The following NAV2 variants were observed in gnomAD, a reference collection of about 807,000 sequenced individuals.
NAV2 encodes helicase, APC down-regulated 1.
A neutral mutation model predicts 223.2 loss-of-function variants in NAV2; 54 were observed. That is an observed-to-expected ratio of 0.24 (90% CI 0.19 to 0.30). The LOEUF (loss-of-function observed/expected upper bound fraction) is 0.30, where lower values mean the gene tolerates loss of function less well. Among genes scored for constraint, NAV2 ranks in the 10% least tolerant of loss-of-function variants. The pLI is 1.00. For missense variants in NAV2, 2,806 were observed against 3,147.5 expected, an observed-to-expected ratio of 0.89 and a Z score of 2.60; for synonymous variants, 1,279 against 1,239.3, an observed-to-expected ratio of 1.03 and a Z score of -0.67.
chr11:19,968,274 T>C (rs2048937888), intron 10 of NAV2, among the ~76,000 whole-genome samples: 1 of 152,218 alleles, frequency 6.6e-6, no homozygotes, highest in African/African-American at 2.4e-5. Flanking sequence ...CTCGGCTCAC[T>C]GCAACCTCCG....
chr11:19,424,563 TG>T (rs1564926240), intron 1 of NAV2, among the ~76,000 whole-genome samples: 2 of 152,182 alleles, frequency 1.3e-5, no homozygotes, highest in African/African-American at 4.8e-5. Flanking sequence ...TTTGTTTGTT[TG>T]TTTCGAGACG....
chr11:19,424,096 G>A (rs1437517659), intron 1 of NAV2, among the ~76,000 whole-genome samples: 1 of 152,230 alleles, frequency 6.6e-6, no homozygotes, highest in East Asian at 1.9e-4. Context: ...GCTATTCTTT[G>A]TATGAGCTGC....
intron 1 of NAV2, among the ~76,000 whole-genome samples, chr11:19,648,794 A>C (rs948968102): frequency 2.0e-5 from 3 of 152,256 alleles, no homozygotes; most frequent in African/African-American, 7.2e-5. Context: ...ATACTTGTAC[A>C]GTTATTATTA....
chr11:19,698,396 G>A (rs2049410681), intron 1 of NAV2, among the ~76,000 whole-genome samples: 1 of 152,170 alleles, frequency 6.6e-6, no homozygotes, highest in Non-Finnish European at 1.5e-5. Flanking sequence ...GATCCCCGTG[G>A]GCCCAGAGAG....
At chr11:19,345,603 G>C in the NAV2 span, among the ~76,000 whole-genome samples, 1 of 152,342 alleles carries the variant, frequency 6.6e-6, no homozygotes, top group East Asian at 1.9e-4. This position sits in a 1 kb window ranked among gnomAD's most constrained non-coding sequence, Gnocchi z 5.2. Flanking sequence ...CGGACGCATA[G>C]CCACCCGTGC....
chr11:20,069,193 G>A lies in NAV2; in HGVS notation c.4983+795G>A, dbSNP rs117763392. On this transcript the variant is annotated intron_variant, in intron 22 of 37. Coordinates refer to ENST00000349880, the MANE Select transcript of NAV2 (RefSeq NM_145117.5). The stretch of plus-strand genomic sequence containing the variant: ...TAATGGATGCTAGGTAGGGGAGAAT[G>A]CATAGGGATGACAGCATTCTAACCA... Among the ~76,000 whole-genome samples, 771 of 152,234 alleles carry A rather than the reference G, an allele frequency of 5.1e-3. 3 individuals carry two copies. Among genetic ancestry groups the A allele is most frequent in the Middle Eastern group, 0.01 (3 of 294 alleles).
chr11:19,849,859 T>C (rs1169531891), intron 3 of NAV2, among the ~76,000 whole-genome samples: 2 of 152,226 alleles, frequency 1.3e-5, no homozygotes, highest in Admixed American at 6.5e-5. Context: ...ATCTTATGTG[T>C]TGGCCATCGT....
intron 3 of NAV2, among the ~76,000 whole-genome samples, chr11:19,861,345 C>T (rs888866345): frequency 6.7e-6 from 1 of 149,168 alleles, no homozygotes; most frequent in Admixed American, 6.7e-5. Flanking sequence ...GAGGAGGAAA[C>T]GGAAAGCAGA....
chr11:19,686,934 G>T (rs990468772), intron 1 of NAV2, among the ~76,000 whole-genome samples: 2 of 152,188 alleles, frequency 1.3e-5, no homozygotes, highest in African/African-American at 4.8e-5. Context: ...TATGAGGCGG[G>T]CACTATTATT....
chr11:19,634,578 C>T lies in NAV2; in HGVS notation c.76-197906C>T, dbSNP rs537017577. Among the ~76,000 whole-genome samples the T allele has an allele frequency of 5.3e-5, 8 of 152,250 alleles. No individual in the cohort carries two copies. The South Asian group carries it at 6.2e-4, about 12-fold the overall frequency. ...TCATTTATTCGTCCATCCATTCATT[C>T]GTTCCTTCAAAAAAACATTTACTCA... On this transcript the variant is annotated intron_variant, in intron 1 of 37. Coordinates refer to the NAV2 transcript ENST00000360655.
At chr11:20,037,954 G>A (rs1274747766) in intron 12 of NAV2, among the ~76,000 whole-genome samples, 2 of 152,162 alleles carry the variant, frequency 1.3e-5, no homozygotes, top group African/African-American at 4.8e-5. Context: ...ATATTCAGGA[G>A]GCAGGCTATT....
At chr11:20,076,202 G>T (rs983295789) in intron 22 of NAV2, among the ~76,000 whole-genome samples, 2 of 150,940 alleles carry the variant, frequency 1.3e-5, no homozygotes, top group Admixed American at 6.6e-5. Context: ...TGGGTATTCA[G>T]AAGGAACTAC....
At chr11:19,346,597 T>C (rs1370902395), upstream of NAV2, among the ~76,000 whole-genome samples, 3 of 152,204 alleles carry the variant, frequency 2.0e-5, no homozygotes, top group Non-Finnish European at 4.4e-5. Context: ...AGTGACTTAT[T>C]TTTGTGTGTG....
At chr11:19,627,221 G>A (rs1590720662) in intron 1 of NAV2, among the ~76,000 whole-genome samples, 1 of 152,108 alleles carries the variant, frequency 6.6e-6, no homozygotes, top group Non-Finnish European at 1.5e-5. Flanking sequence ...AACCCCGTCT[G>A]TATTAAAAAT....
At chr11:19,352,228 T>C (rs559946634) in intron 1 of NAV2, among the ~76,000 whole-genome samples, 2 of 152,304 alleles carry the variant, frequency 1.3e-5, no homozygotes, top group African/African-American at 4.8e-5. Flanking sequence ...ACTAGACCTG[T>C]CTACTCCTAT....
chr11:19,931,471 G>A (rs887708989), intron 6 of NAV2, among the ~76,000 whole-genome samples: 7 of 152,164 alleles, frequency 4.6e-5, no homozygotes, highest in African/African-American at 9.7e-5. Flanking sequence ...CTCACGGCAC[G>A]GTGCTCACGC....
At chr11:19,688,269 C>G (rs982444072) in intron 1 of NAV2, among the ~76,000 whole-genome samples, 1 of 152,182 alleles carries the variant, frequency 6.6e-6, no homozygotes, top group Non-Finnish European at 1.5e-5. Flanking sequence ...GAACAGAAGA[C>G]TCTGTAAAGG....
chr11:19,636,183 T>A (rs369851153), intron 1 of NAV2, among the ~76,000 whole-genome samples: 4 of 152,252 alleles, frequency 2.6e-5, no homozygotes, highest in East Asian at 3.8e-4. Context: ...AACATCTGTG[T>A]CTTTTATTCT....
intron 11 of NAV2, among the ~76,000 whole-genome samples, chr11:20,005,255 T>TATATATATATA (rs1565747945): frequency 3.2e-4 from 3 of 9,390 alleles, no homozygotes; most frequent in African/African-American, 4.4e-4. Context: ...ATATATATAT[T>TATATATATATA]TTTTTTTTTT....
Sources: allele counts gnomAD v4.1 joint callset (sites outside exome capture counted in the v4.1 genomes callset), GRCh38; gene constraint gnomAD v4.1.1; non-coding constraint Gnocchi (gnomAD v3.1); transcripts MANE v1.5; gene names NCBI Gene and HGNC (gene_info 2026-07-23, HGNC 2026-07-21).